Variants in PCDH15 observed in about 807,000 individuals in gnomAD.
PCDH15 encodes the protein protocadherin-15.
Under a neutral mutation model 178.5 loss-of-function variants are expected in PCDH15, and 129 were observed. The ratio of observed to expected loss-of-function variants is 0.72; its 90% CI spans 0.63 to 0.84. The LOEUF is 0.84. Among genes scored for constraint, PCDH15 ranks in the 40% least tolerant of loss-of-function variants. The pLI is 0.00. For synonymous variants in PCDH15, 800 were observed against 732.0 expected (o/e 1.09, Z -1.50); for missense variants, 2,230 against 2,099.9 (o/e 1.06, Z -1.21).
chr10:54,772,047 G>A (rs555052865), intron 1 of PCDH15, among the ~76,000 whole-genome samples: 1 of 152,072 alleles, frequency 6.6e-6, no homozygotes, highest in Non-Finnish European at 1.5e-5. Flanking sequence ...TACCAGAAAA[G>A]CCACCCATGA....
chr10:54,168,545 T>G (rs2046510751), intron 13 of PCDH15, among the ~76,000 whole-genome samples: 1 of 152,218 alleles, frequency 6.6e-6, no homozygotes, highest in African/African-American at 2.4e-5. Context: ...TACAGTTTCG[T>G]TCCGTGACTA....
intron 2 of PCDH15, among the ~76,000 whole-genome samples, chr10:54,926,747 TTAA>T: frequency 6.6e-6 from 1 of 152,244 alleles, no homozygotes; most frequent in African/African-American, 2.4e-5. Context: ...CACAGATGTG[TTAA>T]TAATATTCTC....
rs1390288224 is a variant in PCDH15, at chr10:54,818,627, G to A, written c.-29+78823C>T. Among the ~76,000 whole-genome samples, 6 of 151,962 alleles carry A rather than the reference G, an allele frequency of 3.9e-5. No individual in the cohort carries two copies. The East Asian group carries it at 7.7e-4, about 20-fold the overall frequency. ...GAGGAAGTCCAAATTATGCCAGGCC[G>A]ACAGAATAAATGAAGAGTTTCTGAG... On this transcript the variant is annotated intron_variant, in intron 3 of 5. Coordinates refer to the PCDH15 transcript ENST00000458638.
At chr10:54,774,230 G>T (rs1377101708) in intron 1 of PCDH15, among the ~76,000 whole-genome samples, 1 of 151,516 alleles carries the variant, frequency 6.6e-6, no homozygotes, top group Non-Finnish European at 1.5e-5. Flanking sequence ...GGGTTTCACC[G>T]TGTTAGCCAG....
At chr10:53,888,310 G>GTATATATACGTATATATATGTACGTA (rs1554845230) in intron 26 of PCDH15, among the ~76,000 whole-genome samples, 2 of 28,712 alleles carry the variant, frequency 7.0e-5, no homozygotes, top group African/African-American at 1.8e-4. Context: ...ATATATATAT[G>GTATATATACGTATATATATGTACGTA]TATATATGTA....
chr10:55,577,771 C>T (rs1397805130), intron 2 of PCDH15, among the ~76,000 whole-genome samples: 1 of 152,190 alleles, frequency 6.6e-6, no homozygotes, highest in Non-Finnish European at 1.5e-5. Context: ...CTATGGCTAA[C>T]AGCATTCTTA....
chr10:55,366,919 T>TTGTGTGTG (rs1317630937), intron 2 of PCDH15, among the ~76,000 whole-genome samples: 2 of 105,518 alleles, frequency 1.9e-5, no homozygotes, highest in Admixed American at 9.9e-5. Flanking sequence ...TTTCATTTGT[T>TTGTGTGTG]TGCGTGTGTG....
At chr10:55,579,069 C>T (rs185305817) in intron 2 of PCDH15, among the ~76,000 whole-genome samples, 7 of 152,214 alleles carry the variant, frequency 4.6e-5, no homozygotes, top group African/African-American at 7.2e-5. Context: ...TTTTTTCAAA[C>T]TTTTGTGGTT....
intron 28 of PCDH15, among the ~76,000 whole-genome samples, chr10:53,842,458 G>C (rs2077717679): frequency 6.6e-6 from 1 of 152,158 alleles, no homozygotes; most frequent in Middle Eastern, 3.4e-3. Flanking sequence ...TGTTGGTCAG[G>C]CTGGTCTCAA....
intron 2 of PCDH15, among the ~76,000 whole-genome samples, chr10:55,433,108 A>G (rs970967279): frequency 6.6e-6 from 1 of 152,204 alleles, no homozygotes; most frequent in Non-Finnish European, 1.5e-5. Flanking sequence ...CTATATACCC[A>G]AATGAATATA....
chr10:55,602,827 G>C (rs1332025105), intron 2 of PCDH15, among the ~76,000 whole-genome samples: 2 of 152,178 alleles, frequency 1.3e-5, no homozygotes, highest in African/African-American at 2.4e-5. Context: ...AAAAAGCAGA[G>C]TGCCTCTCCA....
chr10:54,645,342 T>A (rs192596617), intron 2 of PCDH15, among the ~76,000 whole-genome samples: 9 of 151,364 alleles, frequency 5.9e-5, no homozygotes, highest in Non-Finnish European at 1.2e-4. Flanking sequence ...AAATGGTAAA[T>A]AGAAAAGTGA....
At chr10:54,961,873 C>A (rs773255367) in intron 2 of PCDH15, among the ~76,000 whole-genome samples, 3 of 152,152 alleles carry the variant, frequency 2.0e-5, no homozygotes, top group Non-Finnish European at 4.4e-5. Context: ...GAACTACTCA[C>A]TTCGGGTCTT....
intron 2 of PCDH15, among the ~76,000 whole-genome samples, chr10:55,582,628 A>ATATATATATATATT (rs780312007): frequency 2.0e-4 from 14 of 69,036 alleles, no homozygotes; most frequent in African/African-American, 6.0e-4. Context: ...ATATATATAT[A>ATATATATATATATT]TTTTTTTTTT....
rs569468601 is a variant in PCDH15 at position 55,596,357 on chromosome 10, G to A, written c.-156+31268C>T. ...ATATCCTGAGAAATTTTCAAACAGG[G>A]CTGAGTATAACACTCAGTCCCTAGA... On this transcript the variant is annotated intron_variant, in intron 2 of 5. Transcript: ENST00000613346. Among the ~76,000 whole-genome samples, 4 of 152,024 alleles carry A rather than the reference G, an allele frequency of 2.6e-5. No individual in the cohort carries two copies. In the South Asian group the frequency reaches 8.3e-4, roughly 32 times the overall value.
At chr10:55,009,247 C>G (rs947779978) in intron 2 of PCDH15, among the ~76,000 whole-genome samples, 2 of 121,798 alleles carry the variant, frequency 1.6e-5, no homozygotes, top group Non-Finnish European at 3.7e-5. Flanking sequence ...ATTGCACGCA[C>G]AGATGTGTGT....
At chr10:54,900,190 AT>A (rs1954616886) in intron 2 of PCDH15, among the ~76,000 whole-genome samples, 1 of 152,204 alleles carries the variant, frequency 6.6e-6, no homozygotes, top group Non-Finnish European at 1.5e-5. Context: ...CAGTAAACAC[AT>A]TTTTAAAAGT....
intron 2 of PCDH15, among the ~76,000 whole-genome samples, chr10:55,545,565 C>T (rs1051626505): frequency 6.7e-6 from 1 of 148,448 alleles, no homozygotes; most frequent in Non-Finnish European, 1.5e-5. Flanking sequence ...CGCACGCTGC[C>T]ACACCTGGCT....
chr10:54,877,877 T>C (rs1035528126), intron 3 of PCDH15, among the ~76,000 whole-genome samples: 1 of 151,854 alleles, frequency 6.6e-6, no homozygotes, highest in Non-Finnish European at 1.5e-5. Flanking sequence ...ATTTGTTCTG[T>C]GAGAGATAAA....
Sources: gnomAD v4.1 joint callset for allele counts (sites outside exome capture counted in the v4.1 genomes callset) on GRCh38, gnomAD v4.1.1 for gene constraint, MANE v1.5 for transcripts, NCBI Gene and HGNC (gene_info 2026-07-23, HGNC 2026-07-21) for gene names.